The following LINGO2 variants were observed in gnomAD, a reference collection of about 807,000 sequenced individuals.
LINGO2 encodes leucine rich repeat and Ig domain containing 2.
LINGO2 carries 14 observed loss-of-function variants against 30.6 expected under a neutral mutation model. The ratio of observed to expected loss-of-function variants is 0.46; its 90% CI spans 0.30 to 0.72. The LOEUF is 0.72. LINGO2 is among the 30% of genes least tolerant of loss of function. The pLI, the probability that LINGO2 is intolerant of heterozygous loss-of-function variation, is 0.07. For missense variants in LINGO2, 729 were observed against 751.7 expected, an observed-to-expected ratio of 0.97 and a Z score of 0.35; for synonymous variants, 317 against 288.5, an observed-to-expected ratio of 1.10 and a Z score of -1.00.
downstream of LINGO2, chr9:27,944,590 C>G (rs947057680): frequency 6.6e-6 from 1 of 152,130 alleles, no homozygotes; most frequent in Non-Finnish European, 1.5e-5. Context: ...AATTCCCAAA[C>G]TCCTCAATCA....
intron 2 of LINGO2, among the ~76,000 whole-genome samples, chr9:28,445,471 A>G (rs1415776788): frequency 6.6e-6 from 1 of 152,232 alleles, no homozygotes; most frequent in East Asian, 1.9e-4. Context: ...AACAGGAAAT[A>G]AACTGGAGAA....
the LINGO2 span, among the ~76,000 whole-genome samples, chr9:29,201,605 G>GA: frequency 8.6e-6 from 1 of 116,870 alleles, no homozygotes; most frequent in East Asian, 4.2e-4. Flanking sequence ...AAAAGGCAGG[G>GA]AAAATCCAAT....
intron 3 of LINGO2, among the ~76,000 whole-genome samples, chr9:28,347,807 G>C (rs1422040634): frequency 6.6e-6 from 1 of 152,188 alleles, no homozygotes; most frequent in Admixed American, 6.5e-5. Flanking sequence ...TAAGTGGGAA[G>C]ACAGACACTG....
intron 3 of LINGO2, among the ~76,000 whole-genome samples, chr9:28,314,354 C>T (rs546377112): frequency 1.1e-4 from 17 of 152,282 alleles, no homozygotes; most frequent in African/African-American, 4.1e-4. Context: ...ATCCACAAAT[C>T]TTTCAATTTG....
the LINGO2 span, chr9:27,940,765 A>G: frequency 1.3e-5 from 2 of 152,276 alleles, no homozygotes; most frequent in Admixed American, 6.5e-5. Flanking sequence ...AAATTTATGA[A>G]GTAATACATG....
the LINGO2 span, among the ~76,000 whole-genome samples, chr9:29,008,419 T>C: frequency 2.6e-5 from 4 of 152,198 alleles, no homozygotes; most frequent in Non-Finnish European, 4.4e-5. Context: ...CAGCATGATT[T>C]ATAATCCTTT....
intron 4 of LINGO2, among the ~76,000 whole-genome samples, chr9:28,089,931 A>C (rs1420188283): frequency 6.6e-6 from 1 of 152,340 alleles, no homozygotes; most frequent in African/African-American, 2.4e-5. Flanking sequence ...GAATACTATA[A>C]ACACCTCTAT....
chr9:28,241,607 C>G (rs1263061279), intron 4 of LINGO2, among the ~76,000 whole-genome samples: 2 of 152,108 alleles, frequency 1.3e-5, no homozygotes, highest in East Asian at 3.9e-4. Context: ...TAGCACACCC[C>G]ATCACCAAGG....
the LINGO2 span, among the ~76,000 whole-genome samples, chr9:28,739,951 T>TATA: frequency 5.0e-5 from 7 of 139,828 alleles, no homozygotes; most frequent in East Asian, 4.0e-4. Context: ...TATATATATA[T>TATA]TTTTTTTTTC....
At chr9:28,951,720 C>T in the LINGO2 span, among the ~76,000 whole-genome samples, 1 of 152,030 alleles carries the variant, frequency 6.6e-6, no homozygotes, top group Non-Finnish European at 1.5e-5. Context: ...CCCAGTGCCC[C>T]AGCTTTTCAT....
At chr9:28,815,852 A>C in the LINGO2 span, among the ~76,000 whole-genome samples, 13 of 152,306 alleles carry the variant, frequency 8.5e-5, no homozygotes, top group East Asian at 2.3e-3. Context: ...TCCCCACCTT[A>C]GTCTTGCCAA....
chr9:28,864,509 T>C, the LINGO2 span, among the ~76,000 whole-genome samples: 1 of 152,164 alleles, frequency 6.6e-6, no homozygotes, highest in African/African-American at 2.4e-5. Context: ...CATTTATAAT[T>C]AATGAAAAGA....
At chr9:27,974,911 G>A (rs1016850945) in intron 5 of LINGO2, among the ~76,000 whole-genome samples, 1 of 152,082 alleles carries the variant, frequency 6.6e-6, no homozygotes, top group Non-Finnish European at 1.5e-5. Flanking sequence ...TTGGTTTCAG[G>A]AAATGCTTGC....
the LINGO2 span, among the ~76,000 whole-genome samples, chr9:28,898,305 G>A: frequency 7.8e-4 from 118 of 152,140 alleles, 1 homozygote; most frequent in Admixed American, 6.5e-3. Flanking sequence ...AAATAATTGG[G>A]AATATAACGC....
Position 28,479,845 on chromosome 9 carries a change from CTGTGTGTGTGTGTG to C in LINGO2, c.-364-3834_-364-3821del, listed in dbSNP as rs528584169. Among the ~76,000 whole-genome samples, 134 of 60,172 alleles carry C rather than the reference CTGTGTGTGTGTGTG, an allele frequency of 2.2e-3. 4 individuals are homozygous for C. The highest frequency in any genetic ancestry group is 6.6e-3 in the African/African-American group (124 of 18,906). The allele number at this position is 60,172 out of a possible 152,430, so 39.5% of individuals were successfully genotyped here. ...GTCTTAACTACTGGAACCATGTCATCTGTGTGTGTGTGTGTGTGTGTGTGTGTGTGTGTGTGTGT... is the reference window on the plus strand; with the variant it reads ...GTCTTAACTACTGGAACCATGTCATCTGTGTGTGTGTGTGTGTGTGTGTGT... On this transcript the variant is annotated intron_variant, in intron 1 of 5. Transcript: ENST00000379992.
intron 2 of LINGO2, among the ~76,000 whole-genome samples, chr9:28,380,003 T>A (rs1821282444): frequency 1.3e-5 from 2 of 152,082 alleles, no homozygotes; most frequent in South Asian, 4.1e-4. Flanking sequence ...GGTTCACAAA[T>A]TACAGGCCAC....
the LINGO2 span, among the ~76,000 whole-genome samples, chr9:28,708,179 A>G: frequency 1.3e-5 from 2 of 152,322 alleles, no homozygotes; most frequent in African/African-American, 4.8e-5. Flanking sequence ...TCAAGGCAGC[A>G]TATAATTAGA....
At chr9:28,236,309 T>C (rs1257466746) in intron 4 of LINGO2, among the ~76,000 whole-genome samples, 2 of 152,142 alleles carry the variant, frequency 1.3e-5, no homozygotes, top group East Asian at 1.9e-4. Context: ...ACCAGACCTG[T>C]CCAACAAGAA....
chr9:28,254,721 TCAAA>T (rs1207698043), intron 4 of LINGO2, among the ~76,000 whole-genome samples: 1 of 152,100 alleles, frequency 6.6e-6, no homozygotes. Context: ...AGGCTCTCAC[TCAAA>T]CAACCATTTT....
Sources: gnomAD v4.1 joint callset for allele counts (sites outside exome capture counted in the v4.1 genomes callset) on GRCh38, gnomAD v4.1.1 for gene constraint, MANE v1.5 for transcripts, NCBI Gene and HGNC (gene_info 2026-07-23, HGNC 2026-07-21) for gene names.